Variants in TIMM22 observed in about 807,000 individuals in gnomAD.
The protein encoded by TIMM22 is translocase of inner mitochondrial membrane 22.
Under a neutral mutation model 18.3 loss-of-function variants are expected in TIMM22, and 12 were observed. The ratio of observed to expected loss-of-function variants is 0.65; its 90% confidence interval spans 0.42 to 1.06. The LOEUF is 1.06. Among genes scored for constraint, TIMM22 ranks in the 50% least tolerant of loss-of-function variants. TIMM22 has a pLI of 0.00. For synonymous variants in TIMM22, 107 were observed against 98.5 expected (o/e 1.09, Z -0.51); for missense variants, 278 against 252.8 (o/e 1.10, Z -0.68).
At position 997,246 on chromosome 17, in the gene TIMM22, A is replaced by G. The variant is rs1453524659; in HGVS notation, c.104A>G (p.Asp35Gly). 2 of 1,613,506 alleles carry G rather than the reference A, an allele frequency of 1.2e-6. No homozygotes were observed. The highest frequency in any genetic ancestry group is 3.3e-5 in the Admixed American group (2 of 60,024). The change falls in exon 1 of 4, where the codon GAC becomes GGC. Residue 35 changes from aspartate to glycine, a missense_variant. Physicochemically the swap from Asp to Gly is moderately conservative, Grantham distance 94. Transcript: ENST00000327158. Reference sequence around the variant, plus strand: ...CTGCTCCTGCAGTACCTGGTGGGTGACAAGCGTCAGCCCCGGCTCCTGGAG... The same window carrying G: ...CTGCTCCTGCAGTACCTGGTGGGTGGCAAGCGTCAGCCCCGGCTCCTGGAG... ...YSLLLQYLVG[D>G]KRQPRLLEPG...
At chr17:999,358 T>TATACACATATATAC (rs1408779709) in intron 2 of TIMM22, among the ~76,000 whole-genome samples, 154 bp from the exon 3 acceptor site, 2 of 132,610 alleles carry the variant, frequency 1.5e-5, no homozygotes, top group African/African-American at 6.4e-5. Flanking sequence ...TATATATATA[T>TATACACATATATAC]ACACGCTGTA....
rs1441305783 is a variant in TIMM22, at chr17:1,003,251, T to G, written c.*2163T>G. ...CACACCGATGGCCAGGTGGGACATT[T>G]GTACTGTAGCAGCACATGGCAAAGG... On this transcript the variant is annotated 3_prime_UTR_variant, in exon 4 of 4. Coordinates refer to ENST00000327158, the MANE Select transcript of TIMM22 (RefSeq NM_013337.4). The G allele has an allele frequency of 6.6e-6, 1 of 152,256 alleles. No homozygotes were observed. 9.4% of individuals were successfully genotyped at this position (152,256 alleles called of 1,614,324 possible). A position where few individuals can be genotyped will look rare whatever the true frequency, so the allele number is the denominator to read the frequency against.
At position 1,001,022 on chromosome 17, in the gene TIMM22, G is replaced by C. The variant is rs2069738812; in HGVS notation, c.519G>C (p.Lys173Asn). ...GGAIGFRAGL[K>N]AGAIGCGGFA... The stretch of plus-strand genomic sequence containing the variant: ...CTGTTTGTTTGACAGCTGGCTTAAA[G>C]GCTGGGGCCATTGGTTGTGGAGGTT... The change falls in exon 4 of 4, where the codon AAG becomes AAC. Residue 173 changes from lysine to asparagine, a missense_variant. Physicochemically the swap from Lys to Asn is moderately conservative, Grantham distance 94. Coordinates refer to ENST00000327158, the MANE Select transcript of TIMM22 (RefSeq NM_013337.4). 1 of 1,613,980 alleles carries C rather than the reference G, an allele frequency of 6.2e-7. No homozygotes were observed. The highest frequency in any genetic ancestry group is 1.1e-5 in the South Asian group (1 of 91,084).
At chr17:1,000,883 T>C (rs2069737191) in intron 3 of TIMM22, 129 bp from the exon 4 acceptor site, 1 of 868,620 alleles carries the variant, frequency 1.2e-6, no homozygotes, top group African/African-American at 1.7e-5. Flanking sequence ...CTTCCAGAGC[T>C]ATGATCGTTT....
chr17:997,260 C>G lies in TIMM22; in HGVS notation c.118C>G (p.Arg40Gly). The G allele has an allele frequency of 6.2e-7, 1 of 1,613,558 alleles. No individual in the cohort carries two copies. Among genetic ancestry groups the G allele is most frequent in the Non-Finnish European group, 8.5e-7 (1 of 1,179,930 alleles). ...QYLVGDKRQP[R>G]LLEPGSLGGI... ...CCTGGTGGGTGACAAGCGTCAGCCC[C>G]GGCTCCTGGAGCCTGGGAGCCTGGG... The change falls in exon 1 of 4, where the codon CGG becomes GGG. Residue 40 changes from arginine (R) to glycine (G), a missense_variant. Arg to Gly is a moderately radical substitution (Grantham distance 125). Transcript: ENST00000327158.
Position 999,573 on chromosome 17 carries a change from T to C in TIMM22, c.497T>C (p.Ile166Thr), listed in dbSNP as rs2069722693. ...VISGCITGGA[I>T]GFRAGLKAGA... ...AGTGGCTGCATCACGGGAGGAGCTA[T>C]TGGTTTCAGAGGTTAGTAAACGGCT... The change falls in exon 3 of 4, where the codon ATT (isoleucine) becomes ACT (threonine). Residue 166 changes from isoleucine (I) to threonine (T), a missense_variant. Coordinates refer to ENST00000327158, the MANE Select transcript of TIMM22 (RefSeq NM_013337.4). 1.2e-6 allele frequency: 2 copies of C among 1,613,250 alleles called. No homozygotes were observed. Among genetic ancestry groups the C allele is most frequent in the Admixed American group, 1.7e-5 (1 of 59,916 alleles).
chr17:999,358 T>TATACATACATACATATATAC (rs1408779709), intron 2 of TIMM22, among the ~76,000 whole-genome samples, 154 bp from the exon 3 acceptor site: 2 of 132,588 alleles, frequency 1.5e-5, no homozygotes, highest in African/African-American at 6.4e-5. Flanking sequence ...TATATATATA[T>TATACATACATACATATATAC]ACACGCTGTA....
chr17:999,127 G>C (rs2069714465), intron 2 of TIMM22, 152 bp downstream of exon 2: 9 of 802,712 alleles, frequency 1.1e-5, no homozygotes, highest in Middle Eastern at 3.8e-4. Context: ...CCATAAAATA[G>C]TCCCTGTGGC....
At chr17:998,644 G>C (rs1342634541) in intron 1 of TIMM22, 135 bp from the exon 2 acceptor site, 10 of 803,732 alleles carry the variant, frequency 1.2e-5, no homozygotes, top group Non-Finnish European at 1.9e-5. Flanking sequence ...CAGGCAAGTG[G>C]AGAGTTTGAG....
intron 3 of TIMM22, among the ~76,000 whole-genome samples, chr17:1,000,218 T>G (rs1263306883): frequency 6.6e-6 from 1 of 152,160 alleles, no homozygotes; most frequent in Non-Finnish European, 1.5e-5. Context: ...CAATTGTCTT[T>G]TAATTTTAGA....
intron 3 of TIMM22, among the ~76,000 whole-genome samples, chr17:1,000,647 C>G (rs544217744): frequency 1.3e-5 from 2 of 152,328 alleles, no homozygotes; most frequent in South Asian, 4.1e-4. Context: ...GCTCTGCTGT[C>G]TCCAGTACTG....
rs190013940 is a variant in TIMM22 at position 999,505 on chromosome 17, C to T, written c.436-7C>T. The T allele has an allele frequency of 1.9e-5, 30 of 1,613,078 alleles. No homozygotes were observed. In the Admixed American group the frequency reaches 4.0e-4, roughly 22 times the overall value. On this transcript the variant is annotated splice_polypyrimidine_tract_variant and splice_region_variant and intron_variant, in intron 2 of 3. Coordinates refer to ENST00000327158, the MANE Select transcript of TIMM22 (RefSeq NM_013337.4). The stretch of plus-strand genomic sequence containing the variant: ...TTTGGCTCTAACGTGTACTTCCCTG[C>T]CCACAGTACCGGGGAACATCAGACT...
In TIMM22 at chr17:998,936, G is replaced by T; in HGVS notation, c.396G>T (p.Val132=). 1 of 1,613,942 alleles carries T rather than the reference G, an allele frequency of 6.2e-7. No homozygotes were observed. The highest frequency in any genetic ancestry group is 8.5e-7 in the Non-Finnish European group (1 of 1,179,938). Residue 132 remains valine (V), a synonymous_variant, in exon 2 of 4, where the codon GTG becomes GTT. Coordinates refer to ENST00000327158, the MANE Select transcript of TIMM22 (RefSeq NM_013337.4). ...CCTATGCCAAAAATTTCGCCATTGTGGGAGCCATGTTTTCTTGTACTGAGT... is the reference window on the plus strand; with the variant it reads ...CCTATGCCAAAAATTTCGCCATTGTTGGAGCCATGTTTTCTTGTACTGAGT... ...GMSYAKNFAI[V]GAMFSCTECL...
rs1052972314 is a variant in TIMM22 at position 1,001,150 on chromosome 17, A to G, written c.*62A>G. 6.4e-7 allele frequency: 1 copy of G among 1,564,382 alleles called. No homozygotes were observed. The highest frequency in any genetic ancestry group is 8.8e-7 in the Non-Finnish European group (1 of 1,137,204). ...GGATCCGGGCTGCTCTCTGGAGGACAGTTTCTGTACCACACCAGGGCCTTG... is the reference window on the plus strand; with the variant it reads ...GGATCCGGGCTGCTCTCTGGAGGACGGTTTCTGTACCACACCAGGGCCTTG... On this transcript the variant is annotated 3_prime_UTR_variant, in exon 4 of 4. Coordinates refer to ENST00000327158, the MANE Select transcript of TIMM22 (RefSeq NM_013337.4).
At position 999,541 on chromosome 17, in the gene TIMM22, T is replaced by C. The variant is rs1009215365; in HGVS notation, c.465T>C (p.Ser155=). The C allele has an allele frequency of 6.2e-7, 1 of 1,613,648 alleles. No individual in the cohort carries two copies. Among genetic ancestry groups the C allele is most frequent in the East Asian group, 2.2e-5 (1 of 44,878 alleles). Residue 155 remains serine (S), a synonymous_variant, in exon 3 of 4, where the codon AGT becomes AGC. Transcript: ENST00000327158. ...SYRGTSDWKN[S]VISGCITGGA... The stretch of plus-strand genomic sequence containing the variant: ...GGGGAACATCAGACTGGAAGAACAG[T>C]GTCATCAGTGGCTGCATCACGGGAG...
In TIMM22 at chr17:999,496, A is replaced by G. The variant is rs1221389063; in HGVS notation, c.436-16A>G. ...GCTTGTTTCTTTGGCTCTAACGTGT[A>G]CTTCCCTGCCCACAGTACCGGGGAA... On this transcript the variant is annotated splice_polypyrimidine_tract_variant and intron_variant, in intron 2 of 3. Coordinates refer to ENST00000327158, the MANE Select transcript of TIMM22 (RefSeq NM_013337.4). 2 of 1,612,804 alleles carry G rather than the reference A, an allele frequency of 1.2e-6. No individual in the cohort carries two copies. The highest frequency in any genetic ancestry group is 4.5e-5 in the East Asian group (2 of 44,850).
chr17:997,188 G>T lies in TIMM22; in HGVS notation c.46G>T (p.Ala16Ser). 9.9e-6 allele frequency: 16 copies of T among 1,612,118 alleles called. No homozygotes were observed. Among genetic ancestry groups the T allele is most frequent in the Non-Finnish European group, 1.4e-5 (16 of 1,179,768 alleles). ...PNAGGSAPET[A>S]GSAEAPLQYS... ...TGCCGGAGGCTCGGCCCCTGAGACAGCGGGTTCCGCCGAAGCTCCGCTGCA... is the reference window on the plus strand; with the variant it reads ...TGCCGGAGGCTCGGCCCCTGAGACATCGGGTTCCGCCGAAGCTCCGCTGCA... The change falls in exon 1 of 4, where the codon GCG becomes TCG. Residue 16 changes from alanine (A) to serine (S), a missense_variant. Physicochemically the swap from Ala to Ser is moderately conservative, Grantham distance 99 (BLOSUM62 1). Coordinates refer to ENST00000327158, the MANE Select transcript of TIMM22 (RefSeq NM_013337.4).
intron 1 of TIMM22, among the ~76,000 whole-genome samples, chr17:998,027 G>A (rs2069702184): frequency 6.6e-6 from 1 of 152,178 alleles, no homozygotes; most frequent in Non-Finnish European, 1.5e-5. Flanking sequence ...GCAGACATAT[G>A]GAAATGCACA....
Position 1,001,002 on chromosome 17 carries a change from T to C in TIMM22, c.509-10T>C, listed in dbSNP as rs774081765. ...CACCACAGGTCATGTTCTTTCTGTTTGTTTGACAGCTGGCTTAAAGGCTGG... is the reference window on the plus strand; with the variant it reads ...CACCACAGGTCATGTTCTTTCTGTTCGTTTGACAGCTGGCTTAAAGGCTGG... On this transcript the variant is annotated splice_polypyrimidine_tract_variant and intron_variant, in intron 3 of 3. Coordinates refer to ENST00000327158, the MANE Select transcript of TIMM22 (RefSeq NM_013337.4). 3.7e-5 allele frequency: 59 copies of C among 1,613,874 alleles called. No homozygotes were observed. Among genetic ancestry groups the C allele is most frequent in the Middle Eastern group, 1.6e-4 (1 of 6,078 alleles).
Sources: gnomAD v4.1 joint callset for allele counts (sites outside exome capture counted in the v4.1 genomes callset) on GRCh38, gnomAD v4.1.1 for gene constraint, MANE v1.5 for transcripts, NCBI Gene and HGNC (gene_info 2026-07-23, HGNC 2026-07-21) for gene names.